DNASE1: variants seen among roughly 807,000 people sequenced by gnomAD.
DNASE1 encodes deoxyribonuclease 1.
Under a neutral mutation model 33.9 loss-of-function variants are expected in DNASE1, and 40 were observed. The ratio of observed to expected loss-of-function variants is 1.18; its 90% CI spans 0.92 to 1.54. The LOEUF (loss-of-function observed/expected upper bound fraction) is 1.54, where lower values mean the gene tolerates loss of function less well. Among genes scored for constraint, DNASE1 ranks in the 40% most tolerant of loss-of-function variants. DNASE1 has a pLI of 0.00. For synonymous variants in DNASE1, 216 were observed against 160.0 expected (o/e 1.35, Z -2.64); for missense variants, 518 against 372.6 (o/e 1.39, Z -3.21).
intron 4 of DNASE1, 134 bp from the exon 5 acceptor site, chr16:3,656,504 C>G (rs554752012): frequency 1.5e-6 from 1 of 671,174 alleles, no homozygotes; most frequent in Non-Finnish European, 2.7e-6. Flanking sequence ...GCCTGGGTCC[C>G]GGACCAATGG....
intron 1 of DNASE1, among the ~76,000 whole-genome samples, chr16:3,631,248 A>G (rs111457744): frequency 2.8e-4 from 43 of 151,666 alleles, no homozygotes; most frequent in African/African-American, 9.9e-4. Flanking sequence ...TGTTGCCCAG[A>G]CTGGAGTGCA....
downstream of DNASE1, chr16:3,662,056 A>G (rs765306091): frequency 3.7e-6 from 6 of 1,613,356 alleles, no homozygotes; most frequent in East Asian, 1.3e-4. Context: ...CAGCTGCTGC[A>G]TGCGCAGGAA....
chr16:3,623,051 C>T (rs773907587), intron 1 of DNASE1, among the ~76,000 whole-genome samples: 1 of 151,972 alleles, frequency 6.6e-6, no homozygotes, highest in Admixed American at 6.6e-5. Flanking sequence ...CCACGTCCCC[C>T]CAAAAAAATT....
chr16:3,663,117 C>A, exon 10 of DNASE1: 1 of 701,312 alleles, frequency 1.4e-6, no homozygotes, highest in African/African-American at 1.8e-5. Context: ...AAAAGTAAAA[C>A]CTCAAAGGAT....
rs565570420 is a variant in DNASE1, at chr16:3,655,441, T to TGAA, written c.71_73dup (p.Lys24dup). On this transcript the variant is annotated inframe_insertion, in exon 2 of 9. Transcript: ENST00000246949. ...GCCCTACTGCAGGGGGCCGTGTCCC[T>TGAA]GAAGATCGCAGCCTTCAACATCCAG... 29 of 1,614,140 alleles carry TGAA rather than the reference T, an allele frequency of 1.8e-5. No homozygotes were observed. The East Asian group carries it at 5.1e-4, about 29-fold the overall frequency.
downstream of DNASE1, chr16:3,658,962 G>GT: frequency 2.4e-6 from 3 of 1,232,230 alleles, no homozygotes; most frequent in Non-Finnish European, 3.5e-6. Context: ...AAGAAGCACA[G>GT]TAAGACTGTC....
intron 1 of DNASE1, among the ~76,000 whole-genome samples, chr16:3,632,607 G>A (rs921756992): frequency 1.4e-5 from 2 of 144,096 alleles, no homozygotes. Context: ...TTTTAAAGAC[G>A]AGAGTTTCAC....
At chr16:3,626,835 C>CT (rs1346355134) in intron 1 of DNASE1, among the ~76,000 whole-genome samples, 2 of 151,956 alleles carry the variant, frequency 1.3e-5, no homozygotes, top group Non-Finnish European at 2.9e-5. Flanking sequence ...ATGAATTGAC[C>CT]TTTTTTATCA....
rs759204609 is a variant in DNASE1 at position 3,657,049 on chromosome 16, G to C, written c.487G>C (p.Val163Leu). ...VPLHAAPGDA[V>L]AEIDALYDVY... ...CCTGCATGCGGCCCCGGGGGACGCA[G>C]TAGCCGAGATCGACGCTCTCTATGA... The change falls in exon 6 of 9, where the codon GTA (valine) becomes CTA (leucine). Residue 163 changes from valine (V) to leucine (L), a missense_variant. Coordinates refer to ENST00000246949, the MANE Select transcript of DNASE1 (RefSeq NM_005223.4). The C allele has an allele frequency of 1.4e-5, 22 of 1,613,162 alleles. No homozygotes were observed. The Admixed American group carries it at 3.5e-4, about 26-fold the overall frequency.
At chr16:3,656,223 C>T (rs527734749) in intron 4 of DNASE1, 38 bp downstream of exon 4, 1 of 1,578,808 alleles carries the variant, frequency 6.3e-7, no homozygotes, top group African/African-American at 1.3e-5. Flanking sequence ...CCTCCCTCAC[C>T]TGGGAGGGCC....
intron 1 of DNASE1, among the ~76,000 whole-genome samples, chr16:3,616,342 C>T (rs1413584961): frequency 3.3e-5 from 5 of 152,310 alleles, no homozygotes; most frequent in South Asian, 4.1e-4. Flanking sequence ...TGGAATTGGC[C>T]GGGTGCGGTG....
At chr16:3,623,745 C>G (rs1034718847) in intron 1 of DNASE1, among the ~76,000 whole-genome samples, 3 of 151,654 alleles carry the variant, frequency 2.0e-5, no homozygotes, top group Non-Finnish European at 4.4e-5. Context: ...AGAAAGTAGG[C>G]AAAGGACAAG....
At chr16:3,654,561 G>A (rs189145229), upstream of DNASE1, 602 of 201,896 alleles carry the variant, frequency 3.0e-3, 5 homozygotes, top group African/African-American at 0.013. Context: ...CCACCCTCCC[G>A]CACATACCTG....
chr16:3,655,751 A>G, intron 2 of DNASE1, 98 bp from the exon 3 acceptor site: 1 of 1,509,464 alleles, frequency 6.6e-7, no homozygotes, highest in Non-Finnish European at 9.1e-7. Context: ...GGTTAAACCG[A>G]GCAATGCCAC....
chr16:3,658,805 C>T (rs1401177780), downstream of DNASE1: 27 of 1,613,670 alleles, frequency 1.7e-5, no homozygotes, highest in Admixed American at 4.3e-4. Context: ...GATCCACCAG[C>T]AGCTGAGCCA....
At chr16:3,649,159 TGTC>T (rs983289135) in intron 1 of DNASE1, among the ~76,000 whole-genome samples, 2 of 152,232 alleles carry the variant, frequency 1.3e-5, no homozygotes, top group Non-Finnish European at 2.9e-5. Context: ...GGACAGAGGC[TGTC>T]TTTTGTGATG....
chr16:3,662,544 A>G (rs2043144106), downstream of DNASE1: 2 of 551,812 alleles, frequency 3.6e-6, no homozygotes, highest in Non-Finnish European at 6.8e-6. Flanking sequence ...TAAGCACCCA[A>G]GTGAGCATGT....
Position 3,664,437 on chromosome 16 carries a change from C to T in DNASE1, c.*6484C>T, listed in dbSNP as rs144787542. On this transcript the variant is annotated 3_prime_UTR_variant, in exon 10 of 10. Transcript: ENST00000407479. ...GGAGGGCAGCGCCGAGGACTCGTAG[C>T]GCAGCAGCTTTGCTATGTCCTCCTA... 7.1e-3 allele frequency: 11,408 copies of T among 1,611,828 alleles called. 85 individuals carry two copies. Among genetic ancestry groups the T allele is most frequent in the Non-Finnish European group, 8.3e-3 (9,786 of 1,179,226 alleles).
In DNASE1 at chr16:3,657,982, C is replaced by CAGGA; in HGVS notation, c.*32_*35dup. On this transcript the variant is annotated 3_prime_UTR_variant, in exon 9 of 9. Transcript: ENST00000246949. ...GCCCCTCCCCACACCAGTTGAACTG[C>CAGGA]AGGAAGAGAGGACCCATCCTGCCAC... The CAGGA allele has an allele frequency of 6.2e-7, 1 of 1,613,372 alleles. No homozygotes were observed. Among genetic ancestry groups the CAGGA allele is most frequent in the Non-Finnish European group, 8.5e-7 (1 of 1,179,792 alleles).
Sources: allele counts gnomAD v4.1 joint callset (sites outside exome capture counted in the v4.1 genomes callset), GRCh38; gene constraint gnomAD v4.1.1; transcripts MANE v1.5; gene names NCBI Gene and HGNC (gene_info 2026-07-23, HGNC 2026-07-21).